The following LRIG1 variants were observed in gnomAD, a reference collection of about 807,000 sequenced individuals.
The protein encoded by LRIG1 is leucine-rich repeats and immunoglobulin-like domains protein 1.
Under a neutral mutation model 99.2 loss-of-function variants are expected in LRIG1, and 48 were observed. That is an observed-to-expected ratio of 0.48 (90% CI 0.38 to 0.62). LRIG1 has a LOEUF of 0.62. Among genes scored for constraint, LRIG1 ranks in the 20% least tolerant of loss-of-function variants. The pLI, the probability that LRIG1 is intolerant of heterozygous loss-of-function variation, is 0.00. For synonymous variants in LRIG1, 772 were observed against 596.1 expected, an observed-to-expected ratio of 1.29 and a Z score of -4.30; for missense variants, 1,646 against 1,434.4, an observed-to-expected ratio of 1.15 and a Z score of -2.38.
chr3:66,479,589 G>A (rs1428208235), intron 1 of LRIG1, among the ~76,000 whole-genome samples: 2 of 152,144 alleles, frequency 1.3e-5, no homozygotes. Flanking sequence ...GCTTACCACT[G>A]AGCAATAAAA....
chr3:66,435,285 A>G (rs530083066), intron 3 of LRIG1, among the ~76,000 whole-genome samples: 1 of 152,282 alleles, frequency 6.6e-6, no homozygotes, highest in East Asian at 1.9e-4. Flanking sequence ...GGGGCTAGGC[A>G]TGGTGGGTCA....
chr3:66,478,723 CCA>C (rs1270866445), intron 1 of LRIG1, among the ~76,000 whole-genome samples: 7 of 152,190 alleles, frequency 4.6e-5, no homozygotes, highest in Non-Finnish European at 8.8e-5. Flanking sequence ...CCAAGGGTCT[CCA>C]CTGTACGGGT....
In LRIG1 at chr3:66,410,218, G is replaced by A; in HGVS notation, c.846C>T (p.Leu282=). 1 of 1,614,104 alleles carries A rather than the reference G, an allele frequency of 6.2e-7. No homozygotes were observed. Among genetic ancestry groups the A allele is most frequent in the Non-Finnish European group, 8.5e-7 (1 of 1,179,942 alleles). The change falls in exon 7 of 19, where the codon CTC becomes CTT. Residue 282 remains leucine (L), a synonymous_variant. Transcript: ENST00000273261. The part of the protein sequence containing the change: ...VEVNSGSLYG[L]TALHQLHLSN... ...TGAGGTGGAGCTGATGCAGGGCCGT[G>A]AGGCCGTAGAGCGAGCCGCTGTTCA... is the stretch of plus-strand genomic sequence containing the variant.
chr3:66,383,088 G>T lies in LRIG1; in HGVS notation c.2385C>A (p.Ile795=), dbSNP rs769092767. The T allele has an allele frequency of 5.0e-6, 8 of 1,614,262 alleles. No homozygotes were observed. The highest frequency in any genetic ancestry group is 5.9e-6 in the Non-Finnish European group (7 of 1,180,048). ...TGCTGCTCACGACAGCAATGGTGAA[G>T]ATGCCTACCGTGGTCCCATCCTTCC... ...GCRKDGTTVG[I]FTIAVVSSIV... Residue 795 remains isoleucine, a synonymous_variant, in exon 15 of 19, where the codon ATC becomes ATA. Coordinates refer to ENST00000273261, the MANE Select transcript of LRIG1 (RefSeq NM_015541.3).
At chr3:66,461,481 T>C (rs892210191) in intron 2 of LRIG1, among the ~76,000 whole-genome samples, 1 of 152,184 alleles carries the variant, frequency 6.6e-6, no homozygotes, top group Non-Finnish European at 1.5e-5. Context: ...AAACAGGACA[T>C]TCAAAAACTT....
chr3:66,404,791 T>C (rs868076359), intron 9 of LRIG1, among the ~76,000 whole-genome samples: 1 of 152,184 alleles, frequency 6.6e-6, no homozygotes, highest in African/African-American at 2.4e-5. Flanking sequence ...TGATGGTTAA[T>C]GACGAAAGTA....
At chr3:66,405,863 C>T in intron 8 of LRIG1, 1 of 1,102,770 alleles carries the variant, frequency 9.1e-7, no homozygotes, top group South Asian at 2.2e-5. Flanking sequence ...ACCCACTCGC[C>T]AGGATCAGAG....
chr3:66,464,007 G>A (rs556356845), intron 1 of LRIG1, among the ~76,000 whole-genome samples: 2 of 152,352 alleles, frequency 1.3e-5, no homozygotes, highest in Admixed American at 6.5e-5. Context: ...GAACTCAAGT[G>A]TGAGCTTGTC....
chr3:66,430,305 C>A (rs1358607804), intron 3 of LRIG1, among the ~76,000 whole-genome samples: 1 of 152,180 alleles, frequency 6.6e-6, no homozygotes, highest in Non-Finnish European at 1.5e-5. Context: ...AGCTGACAGA[C>A]CTATTTAAAA....
intron 7 of LRIG1, among the ~76,000 whole-genome samples, chr3:66,408,952 GT>G (rs1702370028): frequency 7.5e-6 from 1 of 133,302 alleles, no homozygotes; most frequent in African/African-American, 2.8e-5. Flanking sequence ...GTGTGTGTGT[GT>G]GTGTGTGTGG....
chr3:66,474,816 G>C (rs190668676), intron 1 of LRIG1, among the ~76,000 whole-genome samples: 147 of 152,298 alleles, frequency 9.7e-4, no homozygotes, highest in African/African-American at 3.3e-3. Context: ...ACCAAATAAT[G>C]AATACTGGTA....
Position 66,379,286 on chromosome 3 carries a change from C to G in LRIG1, c.*977G>C, listed in dbSNP as rs1700886569. ...AAGGAATGGCATGGACAGGCCTGCT[C>G]TGGGTCCTTAGTAGAAATAAGGTAG... On this transcript the variant is annotated 3_prime_UTR_variant, in exon 19 of 19. Coordinates refer to ENST00000273261, the MANE Select transcript of LRIG1 (RefSeq NM_015541.3). 2 of 152,640 alleles carry G rather than the reference C, an allele frequency of 1.3e-5. No homozygotes were observed. The highest frequency in any genetic ancestry group is 1.9e-4 in the East Asian group (1 of 5,196). 9.5% of individuals were successfully genotyped at this position (152,640 alleles called of 1,614,324 possible).
intron 1 of LRIG1, among the ~76,000 whole-genome samples, chr3:66,493,104 C>T (rs1701142143): frequency 6.6e-6 from 1 of 152,180 alleles, no homozygotes; most frequent in East Asian, 1.9e-4. Flanking sequence ...TCAAGGTTTT[C>T]CAAAGAGAAG....
chr3:66,399,024 T>G lies in LRIG1; in HGVS notation c.1178A>C (p.Lys393Thr), dbSNP rs767266493. ...TGCTCTCTTAGCCACAGACTTGATC[T>G]TGTTTCCAAACAGAGTCCTGTAGTT... ...SLSKLTLFGN[K>T]IKSVAKRAFS... is the part of the protein sequence containing the mutation. Residue 393 changes from lysine to threonine, a missense_variant, in exon 10 of 19, where the codon AAG becomes ACG. Physicochemically the swap from Lys to Thr is moderately conservative, Grantham distance 78. Coordinates refer to ENST00000273261, the MANE Select transcript of LRIG1 (RefSeq NM_015541.3). 2.2e-5 allele frequency: 35 copies of G among 1,614,046 alleles called. No homozygotes were observed. The highest frequency in any genetic ancestry group is 2.4e-5 in the Non-Finnish European group (28 of 1,180,016).
rs1270639967 is a variant in LRIG1, at chr3:66,399,017, C to T, written c.1185G>A (p.Lys395=). The T allele has an allele frequency of 6.2e-7, 1 of 1,614,058 alleles. No individual in the cohort carries two copies. Among genetic ancestry groups the T allele is most frequent in the East Asian group, 2.2e-5 (1 of 44,878 alleles). The change falls in exon 10 of 19, where the codon AAG becomes AAA. Residue 395 remains lysine, a synonymous_variant. Transcript: ENST00000273261. ...CCGAGAATGCTCTCTTAGCCACAGA[C>T]TTGATCTTGTTTCCAAACAGAGTCC... ...SKLTLFGNKI[K]SVAKRAFSGL... is the part of the protein sequence containing the mutation.
intron 1 of LRIG1, among the ~76,000 whole-genome samples, chr3:66,464,640 C>G (rs531014850): frequency 6.6e-6 from 1 of 152,226 alleles, no homozygotes; most frequent in East Asian, 1.9e-4. Context: ...ATGTTTCTGG[C>G]TTACACATGT....
chr3:66,388,538 G>T (rs1701491449), intron 12 of LRIG1, among the ~76,000 whole-genome samples: 1 of 152,062 alleles, frequency 6.6e-6, no homozygotes, highest in African/African-American at 2.4e-5. Context: ...TAAATTCAAA[G>T]ATCCAAACGC....
intron 3 of LRIG1, among the ~76,000 whole-genome samples, chr3:66,421,189 GC>G (rs751978489): frequency 8.5e-5 from 13 of 152,156 alleles, no homozygotes; most frequent in African/African-American, 1.2e-4. Context: ...ATATCATTCT[GC>G]CCCTGGCCCC....
At chr3:66,398,827 C>T (rs942872967) in intron 10 of LRIG1, 143 bp downstream of exon 10, 3 of 681,452 alleles carry the variant, frequency 4.4e-6, no homozygotes, top group Non-Finnish European at 5.1e-6. Flanking sequence ...AAAGCTGAAG[C>T]TGACATAATG....
Sources: gnomAD v4.1 joint callset for allele counts (sites outside exome capture counted in the v4.1 genomes callset) on GRCh38, gnomAD v4.1.1 for gene constraint, MANE v1.5 for transcripts, NCBI Gene and HGNC (gene_info 2026-07-23, HGNC 2026-07-21) for gene names.